The following ARL17A variants were observed in gnomAD, a reference collection of about 807,000 sequenced individuals.
ARL17A encodes the protein ADP-ribosylation factor-like 17-like.
At chr17:46,516,415 G>A (rs2051329217), downstream of ARL17A, among the ~76,000 whole-genome samples, 1 of 143,826 alleles carries the variant, frequency 7.0e-6, no homozygotes, top group Non-Finnish European at 1.5e-5. Flanking sequence ...GCCAGAATCT[G>A]TGATCCTTGA....
At chr17:46,569,068 G>A (rs1213621910) in intron 3 of ARL17A, among the ~76,000 whole-genome samples, 4 of 140,080 alleles carry the variant, frequency 2.9e-5, no homozygotes, top group East Asian at 2.1e-4. Flanking sequence ...TCAGCCTCCC[G>A]AGTAGCTGGG....
At chr17:46,558,681 G>C (rs1459622651) in intron 3 of ARL17A, 1 of 132,268 alleles carries the variant, frequency 7.6e-6, no homozygotes, top group Non-Finnish European at 1.6e-5. Flanking sequence ...ATGAGTCACT[G>C]TGCCCCGCCA....
chr17:46,548,526 G>A (rs200450444), downstream of ARL17A: 8,011 of 1,395,682 alleles, frequency 5.7e-3, 2 homozygotes, highest in Middle Eastern at 0.019. Context: ...ATTTCTCAGC[G>A]GTAAACCTAG....
chr17:46,520,780 G>C lies in ARL17A; in HGVS notation c.260-3547C>G, dbSNP rs1222864698. On this transcript the variant is annotated intron_variant, in intron 3 of 4. Transcript: ENST00000445552. ...CACCAAAAAAAATTTCAAAAAGTTG[G>C]TTTAGTAGGATGAAAGGAACTAAAG... 1.6e-4 allele frequency among the ~76,000 whole-genome samples: 7 copies of C among 43,772 alleles called. 2 individuals are homozygous for C. In the East Asian group the frequency reaches 2.3e-3, roughly 14 times the overall value. 28.7% of individuals were successfully genotyped at this position (43,772 alleles called of 152,430 possible). A position where few individuals can be genotyped will look rare whatever the true frequency, so the allele number is the denominator to read the frequency against.
chr17:46,532,762 A>C (rs1161348652), intron 4 of ARL17A, among the ~76,000 whole-genome samples: 1 of 147,470 alleles, frequency 6.8e-6, no homozygotes, highest in African/African-American at 2.6e-5. Context: ...TATGTCTCTA[A>C]GAACAATAGT....
At chr17:46,549,135 T>C (rs377282028), downstream of ARL17A, 3 of 1,611,586 alleles carry the variant, frequency 1.9e-6, no homozygotes, top group Non-Finnish European at 1.7e-6. Context: ...AGAAAAGTTA[T>C]CTGAGTAGAC....
Position 46,532,825 on chromosome 17 carries a change from G to A in ARL17A, c.336-3966C>T, listed in dbSNP as rs527701432. On this transcript the variant is annotated intron_variant, in intron 4 of 4. Coordinates refer to the ARL17A transcript ENST00000329240. ...TAATTTGGTCTTCTGTATTTTTGCAGTGCAGTGGCTCACACCTGTCATCCT... is the reference window on the plus strand; with the variant it reads ...TAATTTGGTCTTCTGTATTTTTGCAATGCAGTGGCTCACACCTGTCATCCT... 4.0e-5 allele frequency among the ~76,000 whole-genome samples: 6 copies of A among 149,714 alleles called. 1 individual carries two copies. Among genetic ancestry groups the A allele is most frequent in the African/African-American group, 1.3e-4 (5 of 39,486 alleles).
At chr17:46,558,505 G>A (rs1378277592) in intron 3 of ARL17A, among the ~76,000 whole-genome samples, 1 of 122,174 alleles carries the variant, frequency 8.2e-6, no homozygotes, top group East Asian at 2.7e-4. Context: ...TCCTGCCTCA[G>A]CCTCCCGAAT....
At chr17:46,529,220 G>A (rs1394185972) in intron 4 of ARL17A, among the ~76,000 whole-genome samples, 1 of 122,602 alleles carries the variant, frequency 8.2e-6, no homozygotes, top group Non-Finnish European at 1.9e-5. Flanking sequence ...AGCAAGAAAT[G>A]TTCCCTTATT....
At chr17:46,501,980 T>C in the ARL17A span, among the ~76,000 whole-genome samples, 2 of 151,450 alleles carry the variant, frequency 1.3e-5, no homozygotes, top group Middle Eastern at 3.4e-3. Flanking sequence ...TATTTAACTT[T>C]TGGACGATGA....
At chr17:46,500,836 G>A in the ARL17A span, among the ~76,000 whole-genome samples, 11 of 151,032 alleles carry the variant, frequency 7.3e-5, no homozygotes, top group Non-Finnish European at 1.5e-4. Flanking sequence ...ATAGGGAAGT[G>A]TTTCTCAAAG....
At chr17:46,503,173 C>G in the ARL17A span, among the ~76,000 whole-genome samples, 1 of 139,782 alleles carries the variant, frequency 7.2e-6, no homozygotes, top group Non-Finnish European at 1.5e-5. Context: ...GATCATGCCA[C>G]TGCACTCCAG....
At position 46,553,649 on chromosome 17, in the gene ARL17A, A is replaced by AT. The variant is rs1222985320; in HGVS notation, c.*3706dup. ...CTAGTCTCGCGACGTTTTAATTAGAATTTTAGAATTAGAGGAGGGCTTAGA... is the reference window on the plus strand; with the variant it reads ...CTAGTCTCGCGACGTTTTAATTAGAATTTTTAGAATTAGAGGAGGGCTTAGA... On this transcript the variant is annotated 3_prime_UTR_variant, in exon 4 of 4. Transcript: ENST00000336125. 1 of 364,368 alleles carries AT rather than the reference A, an allele frequency of 2.7e-6. No individual in the cohort carries two copies. Among genetic ancestry groups the AT allele is most frequent in the Non-Finnish European group, 3.7e-6 (1 of 273,298 alleles). 22.6% of individuals were successfully genotyped at this position (364,368 alleles called of 1,614,324 possible). A position where few individuals can be genotyped will look rare whatever the true frequency, so the allele number is the denominator to read the frequency against.
chr17:46,533,799 G>A (rs1307228758), intron 4 of ARL17A, among the ~76,000 whole-genome samples: 5 of 93,628 alleles, frequency 5.3e-5, no homozygotes, highest in East Asian at 5.7e-4. Context: ...ACTGCGCCCA[G>A]CCAGTGCTTT....
chr17:46,502,608 G>C, the ARL17A span, among the ~76,000 whole-genome samples: 1 of 151,262 alleles, frequency 6.6e-6, no homozygotes, highest in Admixed American at 6.6e-5. Context: ...GGCCTTAAGT[G>C]TTCTTTTCTA....
At chr17:46,532,944 A>C (rs2053926577) in intron 4 of ARL17A, among the ~76,000 whole-genome samples, 1 of 132,936 alleles carries the variant, frequency 7.5e-6, no homozygotes, top group South Asian at 2.6e-4. Flanking sequence ...CTACAAAAAA[A>C]ATGTAAAAGT....
intron 3 of ARL17A, chr17:46,547,105 A>C (rs1767487388): frequency 3.5e-5 from 1 of 28,284 alleles, no homozygotes; most frequent in Non-Finnish European, 7.0e-5. Context: ...TATGGGGTGG[A>C]GAATTAATAA....
At chr17:46,558,447 C>T (rs1201974828) in intron 3 of ARL17A, among the ~76,000 whole-genome samples, 1 of 115,788 alleles carries the variant, frequency 8.6e-6, no homozygotes, top group African/African-American at 3.6e-5. Flanking sequence ...AGTGCAGCAG[C>T]GTGATCTCGG....
chr17:46,522,425 G>C (rs2052394053), intron 3 of ARL17A, among the ~76,000 whole-genome samples: 1 of 121,498 alleles, frequency 8.2e-6, no homozygotes, highest in Non-Finnish European at 1.7e-5. Context: ...AGAAGGTGTA[G>C]AAATGTGAGA....
Sources: gnomAD v4.1 joint callset for allele counts (sites outside exome capture counted in the v4.1 genomes callset) on GRCh38, gnomAD v4.1.1 for gene constraint, MANE v1.5 for transcripts, NCBI Gene and HGNC (gene_info 2026-07-23, HGNC 2026-07-21) for gene names.